Variants in NCALD observed in about 807,000 individuals in gnomAD.
NCALD encodes the protein neurocalcin-delta.
In NCALD, 10 loss-of-function variants were observed where a neutral mutation model predicts 18.6. The observed-to-expected ratio is 0.54, with a 90% confidence interval of 0.33 to 0.91. The LOEUF (loss-of-function observed/expected upper bound fraction) is 0.91, where lower values mean the gene tolerates loss of function less well. Among genes scored for constraint, NCALD ranks in the 40% least tolerant of loss-of-function variants. The pLI is 0.03. For synonymous variants in NCALD, 88 were observed against 87.4 expected, an observed-to-expected ratio of 1.01 and a Z score of -0.04; for missense variants, 184 against 247.6, an observed-to-expected ratio of 0.74 and a Z score of 1.72.
intron 4 of NCALD, among the ~76,000 whole-genome samples, chr8:101,872,759 G>A (rs1315884664): frequency 6.6e-6 from 1 of 152,072 alleles, no homozygotes; most frequent in Non-Finnish European, 1.5e-5. Context: ...CTTTCTCTCT[G>A]GTAGCCTTAG....
At chr8:101,810,956 A>G (rs1381644739) in intron 4 of NCALD, among the ~76,000 whole-genome samples, 1 of 152,220 alleles carries the variant, frequency 6.6e-6, no homozygotes, top group Non-Finnish European at 1.5e-5. Flanking sequence ...ATATTTTAAA[A>G]AATCAATTTC....
intron 4 of NCALD, among the ~76,000 whole-genome samples, chr8:101,871,027 T>C (rs142300533): frequency 0.011 from 1,682 of 152,084 alleles, 18 homozygotes; most frequent in Middle Eastern, 0.037. Context: ...AACCTTATTA[T>C]AAATATCCTA....
chr8:102,039,763 A>G (rs974392227), intron 1 of NCALD, among the ~76,000 whole-genome samples: 1 of 152,054 alleles, frequency 6.6e-6, no homozygotes, highest in Non-Finnish European at 1.5e-5. Flanking sequence ...GCCTAGTGGG[A>G]GTGTTTGGAA....
At chr8:101,886,513 G>T (rs764794540) in intron 4 of NCALD, among the ~76,000 whole-genome samples, 3 of 152,132 alleles carry the variant, frequency 2.0e-5, no homozygotes, top group Non-Finnish European at 4.4e-5. Context: ...ATTTTGAAAA[G>T]TTTCCAAGAA....
chr8:102,054,389 C>T (rs1206847928), intron 1 of NCALD, among the ~76,000 whole-genome samples: 1 of 152,142 alleles, frequency 6.6e-6, no homozygotes, highest in Non-Finnish European at 1.5e-5. Context: ...GGGTGGCCAA[C>T]TGCACCACTA....
At chr8:101,872,959 G>C (rs772585629) in intron 4 of NCALD, among the ~76,000 whole-genome samples, 6 of 152,172 alleles carry the variant, frequency 3.9e-5, no homozygotes, top group Non-Finnish European at 7.3e-5. Flanking sequence ...AGGAAATGAG[G>C]ATCTCTGCAA....
At chr8:101,980,307 C>T (rs1032962179) in intron 2 of NCALD, among the ~76,000 whole-genome samples, 4 of 152,172 alleles carry the variant, frequency 2.6e-5, no homozygotes, top group African/African-American at 9.7e-5. Context: ...CTGGCACAGG[C>T]GGCGTTTTAC....
intron 4 of NCALD, among the ~76,000 whole-genome samples, chr8:101,879,024 A>C (rs1458151597): frequency 6.6e-6 from 1 of 152,260 alleles, no homozygotes; most frequent in Admixed American, 6.5e-5. Flanking sequence ...AGATATTGCA[A>C]GTAGTTGTCA....
At chr8:102,036,194 C>T (rs1345955315) in intron 1 of NCALD, among the ~76,000 whole-genome samples, 2 of 151,748 alleles carry the variant, frequency 1.3e-5, no homozygotes, top group African/African-American at 2.4e-5. Context: ...CACCTGTAGT[C>T]CCAGCTACTC....
At chr8:102,116,032 G>T (rs6989349) in intron 1 of NCALD, among the ~76,000 whole-genome samples, 51,977 of 150,024 alleles carry the variant, frequency 0.35, 9,802 homozygotes, top group African/African-American at 0.49. Flanking sequence ...GAATAAAGTT[G>T]CAAATGATCA....
intron 1 of NCALD, among the ~76,000 whole-genome samples, chr8:102,095,627 G>A (rs1469115888): frequency 1.3e-5 from 2 of 152,098 alleles, no homozygotes; most frequent in African/African-American, 2.4e-5. Context: ...ATTACTCAAC[G>A]TGTACACCCT....
chr8:101,853,161 G>C (rs1468754246), intron 4 of NCALD, among the ~76,000 whole-genome samples: 1 of 152,084 alleles, frequency 6.6e-6, no homozygotes, highest in South Asian at 2.1e-4. Context: ...AGGGTTTCAT[G>C]AGCATTAAAT....
chr8:101,754,526 G>A (rs1810793249), intron 1 of NCALD, among the ~76,000 whole-genome samples: 1 of 152,146 alleles, frequency 6.6e-6, no homozygotes, highest in Admixed American at 6.5e-5. Flanking sequence ...CTCATGTGGT[G>A]GAAGGGGCAG....
At chr8:101,941,588 T>C (rs1818958857) in intron 2 of NCALD, among the ~76,000 whole-genome samples, 1 of 152,214 alleles carries the variant, frequency 6.6e-6, no homozygotes, top group Non-Finnish European at 1.5e-5. Flanking sequence ...ATAACAAACT[T>C]ATGAACAAGA....
Position 101,943,364 on chromosome 8 carries a change from GC to G in NCALD, c.-156-27507del, listed in dbSNP as rs753209649. ...GCCAGAAAACAATCCTTTCCTATTT[GC>G]AGGAGGTTTTACAGGGCTGATTAGG... On this transcript the variant is annotated intron_variant, in intron 2 of 6. Transcript: ENST00000311028. Among the ~76,000 whole-genome samples, 4 of 152,148 alleles carry G rather than the reference GC, an allele frequency of 2.6e-5. No individual in the cohort carries two copies. The East Asian group carries it at 7.7e-4, about 29-fold the overall frequency.
At chr8:101,971,717 T>C (rs1282454465) in intron 2 of NCALD, among the ~76,000 whole-genome samples, 10 of 152,164 alleles carry the variant, frequency 6.6e-5, no homozygotes, top group Non-Finnish European at 7.4e-5. Flanking sequence ...TGGTACCAAC[T>C]GGTTGCACAG....
rs1322846939 is a variant in NCALD at position 101,737,819 on chromosome 8, C to A, written c.-19-18171G>T. On this transcript the variant is annotated intron_variant, in intron 1 of 3. Coordinates refer to ENST00000220931, the MANE Select transcript of NCALD (RefSeq NM_032041.3). ...CTTCCCTCTGTAGCACTGAGAAAGG[C>A]GCTGGCATGTGGTAAATGCTCAAGA... is the stretch of plus-strand genomic sequence containing the variant. Among the ~76,000 whole-genome samples the A allele has an allele frequency of 2.0e-5, 3 of 152,158 alleles. No individual in the cohort carries two copies. In the East Asian group the frequency reaches 5.8e-4, roughly 29 times the overall value.
chr8:101,801,188 C>T (rs1812837177), intron 4 of NCALD, among the ~76,000 whole-genome samples: 1 of 152,164 alleles, frequency 6.6e-6, no homozygotes, highest in East Asian at 1.9e-4. Flanking sequence ...GATATAAATA[C>T]TTCATAATTT....
chr8:102,092,897 C>T (rs1345222451), intron 1 of NCALD, among the ~76,000 whole-genome samples: 1 of 152,218 alleles, frequency 6.6e-6, no homozygotes. Context: ...ACTTCTTTGA[C>T]TTATGCACCT....
Sources: gnomAD v4.1 joint callset for allele counts (sites outside exome capture counted in the v4.1 genomes callset) on GRCh38, gnomAD v4.1.1 for gene constraint, MANE v1.5 for transcripts, NCBI Gene and HGNC (gene_info 2026-07-23, HGNC 2026-07-21) for gene names.